The following EXOC6B variants were observed in gnomAD, a reference collection of about 807,000 sequenced individuals.
EXOC6B encodes SEC15 homolog B.
In EXOC6B, 54 loss-of-function variants were observed where a neutral mutation model predicts 113.5. The observed-to-expected ratio is 0.48, with a 90% CI of 0.38 to 0.60. EXOC6B has a LOEUF of 0.60. Among genes scored for constraint, EXOC6B ranks in the 20% least tolerant of loss-of-function variants. The pLI is 0.00. For missense variants in EXOC6B, 797 were observed against 977.5 expected (o/e 0.82, Z 2.46); for synonymous variants, 357 against 339.0 (o/e 1.05, Z -0.58).
At chr2:72,401,574 T>C (rs1267038221) in intron 18 of EXOC6B, among the ~76,000 whole-genome samples, 2 of 26,288 alleles carry the variant, frequency 7.6e-5, no homozygotes, top group South Asian at 1.7e-3. Context: ...TACATATATA[T>C]ATATATACAT....
chr2:72,405,932 A>G (rs980307996), intron 18 of EXOC6B, among the ~76,000 whole-genome samples: 1 of 152,222 alleles, frequency 6.6e-6, no homozygotes, highest in Non-Finnish European at 1.5e-5. Flanking sequence ...GTCAAGACCC[A>G]TCAGTGTGCT....
chr2:72,646,490 C>A (rs1219584744), intron 6 of EXOC6B, among the ~76,000 whole-genome samples: 13 of 152,048 alleles, frequency 8.5e-5, no homozygotes, highest in Non-Finnish European at 1.6e-4. Context: ...CTGGCAGAGA[C>A]ACAACAAAAA....
At chr2:72,371,914 A>G (rs1487130320) in intron 19 of EXOC6B, among the ~76,000 whole-genome samples, 1 of 152,180 alleles carries the variant, frequency 6.6e-6, no homozygotes, top group Non-Finnish European at 1.5e-5. Flanking sequence ...ATGATATTAT[A>G]TTTAGAAAAA....
At position 72,780,486 on chromosome 2, in the gene EXOC6B, T is replaced by C. The variant is rs2068409; in HGVS notation, c.114-39017A>G. On this transcript the variant is annotated intron_variant, in intron 1 of 21. Transcript: ENST00000272427. ...ACAGTATAGGTAGAACAAAACTGCA[T>C]TGAAAAACCTGAAGTATTCTGTGCC... Among the ~76,000 whole-genome samples the C allele has an allele frequency of 2.6e-4, 40 of 152,320 alleles. No homozygotes were observed. In the South Asian group the frequency reaches 7.5e-3, roughly 28 times the overall value.
chr2:72,250,432 T>A (rs1306581964), intron 20 of EXOC6B, among the ~76,000 whole-genome samples: 1 of 152,196 alleles, frequency 6.6e-6, no homozygotes, highest in African/African-American at 2.4e-5. Context: ...AACTTCTGCC[T>A]CATGAGCTCA....
chr2:72,465,068 G>C (rs1444488663), intron 18 of EXOC6B, 92 bp downstream of exon 18: 5 of 1,035,560 alleles, frequency 4.8e-6, no homozygotes, highest in Non-Finnish European at 7.3e-6. Context: ...ATCTTCCTGG[G>C]TAGTTACAGC....
chr2:72,536,926 C>G (rs1345855887), intron 8 of EXOC6B, among the ~76,000 whole-genome samples: 1 of 152,194 alleles, frequency 6.6e-6, no homozygotes, highest in East Asian at 1.9e-4. Context: ...GAAGAGTTAG[C>G]ACTCTCCATT....
intron 20 of EXOC6B, among the ~76,000 whole-genome samples, chr2:72,333,661 A>G (rs932405445): frequency 2.6e-5 from 4 of 152,170 alleles, no homozygotes; most frequent in Non-Finnish European, 5.9e-5. Flanking sequence ...ATTTGTGATC[A>G]TGCTGGTGAA....
intron 20 of EXOC6B, among the ~76,000 whole-genome samples, chr2:72,201,603 A>G (rs1409162997): frequency 6.6e-6 from 1 of 152,238 alleles, no homozygotes; most frequent in East Asian, 1.9e-4. Context: ...GAATAAAGAA[A>G]GCACAGTAAA....
intron 18 of EXOC6B, among the ~76,000 whole-genome samples, chr2:72,400,180 A>T (rs1693045954): frequency 6.6e-6 from 1 of 152,106 alleles, no homozygotes; most frequent in South Asian, 2.1e-4. Flanking sequence ...TATACACTGT[A>T]GAAAGTACCC....
At chr2:72,465,918 C>T (rs1340365736) in intron 17 of EXOC6B, among the ~76,000 whole-genome samples, 2 of 152,164 alleles carry the variant, frequency 1.3e-5, no homozygotes, top group Non-Finnish European at 2.9e-5. Context: ...AATCTTCTCA[C>T]TTTCTTTGGG....
intron 1 of EXOC6B, among the ~76,000 whole-genome samples, chr2:72,811,364 C>A (rs1479861677): frequency 6.6e-6 from 1 of 151,960 alleles, no homozygotes; most frequent in Non-Finnish European, 1.5e-5. Flanking sequence ...ATGAAATAAA[C>A]CAATTCCTCA....
intron 6 of EXOC6B, among the ~76,000 whole-genome samples, chr2:72,647,315 A>G (rs994134667): frequency 6.6e-6 from 1 of 152,182 alleles, no homozygotes; most frequent in Admixed American, 6.5e-5. Context: ...ATGCTCATAG[A>G]TAGGAAGAAT....
At chr2:72,513,525 T>C (rs1701057346) in intron 10 of EXOC6B, among the ~76,000 whole-genome samples, 1 of 151,970 alleles carries the variant, frequency 6.6e-6, no homozygotes, top group African/African-American at 2.4e-5. Flanking sequence ...TCCAGTAGTT[T>C]AAAAGAGAGG....
At chr2:72,312,815 C>A (rs66844214) in intron 20 of EXOC6B, among the ~76,000 whole-genome samples, 2,250 of 123,220 alleles carry the variant, frequency 0.018, 23 homozygotes, top group Non-Finnish European at 0.026. Context: ...AAAAAAAAAA[C>A]AAAAAACAAA....
At chr2:72,202,491 A>C (rs938332503) in intron 20 of EXOC6B, among the ~76,000 whole-genome samples, 4 of 152,210 alleles carry the variant, frequency 2.6e-5, no homozygotes, top group African/African-American at 9.6e-5. Flanking sequence ...CCCAGGACAG[A>C]CAGGTATTCT....
At chr2:72,199,787 C>T (rs1020770024) in intron 20 of EXOC6B, among the ~76,000 whole-genome samples, 1 of 152,182 alleles carries the variant, frequency 6.6e-6, no homozygotes, top group African/African-American at 2.4e-5. Context: ...AACCCTAGAC[C>T]TTTTAGTTTG....
intron 5 of EXOC6B, among the ~76,000 whole-genome samples, chr2:72,723,919 G>A (rs1382307895): frequency 1.3e-5 from 2 of 152,136 alleles, no homozygotes; most frequent in Admixed American, 1.3e-4. Flanking sequence ...AACAAGGTGA[G>A]TTTAATAATT....
chr2:72,264,388 T>C (rs951895548), intron 20 of EXOC6B, among the ~76,000 whole-genome samples: 2 of 152,090 alleles, frequency 1.3e-5, no homozygotes, highest in African/African-American at 2.4e-5. Context: ...CTGGCCAGCA[T>C]GGTGAAACCC....
Sources: allele counts gnomAD v4.1 joint callset (sites outside exome capture counted in the v4.1 genomes callset), GRCh38; gene constraint gnomAD v4.1.1; transcripts MANE v1.5; gene names NCBI Gene and HGNC (gene_info 2026-07-23, HGNC 2026-07-21).